TMEM196: variants seen among roughly 807,000 people sequenced by gnomAD.
TMEM196 encodes the protein transmembrane protein 196.
In TMEM196, 17 loss-of-function variants were observed where a neutral mutation model predicts 20.0. The ratio of observed to expected loss-of-function variants is 0.85; its 90% CI spans 0.58 to 1.27. The LOEUF is 1.27. Among genes scored for constraint, TMEM196 ranks in the 50% most tolerant of loss-of-function variants. The probability of loss-of-function intolerance (pLI) is 0.00; values close to 1 mark genes in which losing one functional copy is unlikely to be tolerated. For missense variants in TMEM196, 267 were observed against 223.0 expected (o/e 1.20, Z -1.26); for synonymous variants, 113 against 88.9 (o/e 1.27, Z -1.52).
In TMEM196 at chr7:19,746,981, C is replaced by A. The variant is rs376266699; in HGVS notation, c.148-17543G>T. 3.9e-5 allele frequency among the ~76,000 whole-genome samples: 6 copies of A among 152,170 alleles called. 1 individual carries two copies. The highest frequency in any genetic ancestry group is 3.9e-4 in the East Asian group (2 of 5,180). On this transcript the variant is annotated intron_variant, in intron 1 of 4. Coordinates refer to ENST00000405844, the MANE Select transcript of TMEM196 (RefSeq NM_001363562.2). ...TAAATCATAGAAAATCCCGGCCGGG[C>A]GTGGTGGCTCACGCCTGTAATCCCA...
intron 1 of TMEM196, among the ~76,000 whole-genome samples, chr7:19,755,577 T>C (rs1380183576): frequency 6.6e-6 from 1 of 152,170 alleles, no homozygotes; most frequent in Non-Finnish European, 1.5e-5. Context: ...GTACAAATAA[T>C]TTAAGGGTTC....
intron 1 of TMEM196, among the ~76,000 whole-genome samples, chr7:19,740,806 A>G (rs889627943): frequency 6.6e-6 from 1 of 152,136 alleles, no homozygotes; most frequent in Non-Finnish European, 1.5e-5. Flanking sequence ...CAGGTATTTC[A>G]GGAACAAACT....
intron 1 of TMEM196, among the ~76,000 whole-genome samples, chr7:19,754,623 G>T (rs934702535): frequency 4.6e-5 from 7 of 152,000 alleles, no homozygotes; most frequent in African/African-American, 1.7e-4. Context: ...TGGGCTAAAA[G>T]CTTGTCAACT....
intron 1 of TMEM196, among the ~76,000 whole-genome samples, chr7:19,730,262 GAAA>G (rs202189627): frequency 8.4e-6 from 1 of 119,752 alleles, no homozygotes; most frequent in Admixed American, 8.2e-5. Flanking sequence ...TCTCAAAAAA[GAAA>G]AAAAAAAAAA....
chr7:19,719,809 G>A lies in TMEM196; in HGVS notation c.*2319C>T, dbSNP rs140405333. ...ATATTTAAAAATATATCTATACTTG[G>A]TTAAACATACACTGTAAACTATTTG... On this transcript the variant is annotated 3_prime_UTR_variant, in exon 5 of 5. Transcript: ENST00000405844. 237 of 152,116 alleles carry A rather than the reference G, an allele frequency of 1.6e-3. 2 individuals are homozygous for A. Among genetic ancestry groups the A allele is most frequent in the African/African-American group, 5.3e-3 (220 of 41,522 alleles). 9.4% of individuals were successfully genotyped at this position (152,116 alleles called of 1,614,324 possible). A position where few individuals can be genotyped will look rare whatever the true frequency, so the allele number is the denominator to read the frequency against.
intron 1 of TMEM196, among the ~76,000 whole-genome samples, chr7:19,761,213 A>G (rs1228857459): frequency 6.6e-6 from 1 of 152,202 alleles, no homozygotes; most frequent in Non-Finnish European, 1.5e-5. Context: ...CATCTTCAAA[A>G]GAAGCCACTT....
intron 1 of TMEM196, among the ~76,000 whole-genome samples, chr7:19,757,969 T>TG (rs1785283937): frequency 6.6e-6 from 1 of 151,206 alleles, no homozygotes. Context: ...TATATACTTT[T>TG]TTTTTTTTTT....
intron 1 of TMEM196, among the ~76,000 whole-genome samples, chr7:19,740,666 C>A (rs1784551703): frequency 6.6e-6 from 1 of 152,010 alleles, no homozygotes; most frequent in African/African-American, 2.4e-5. Flanking sequence ...GGTGGCACCC[C>A]TTTTTGGGGT....
intron 1 of TMEM196, among the ~76,000 whole-genome samples, chr7:19,747,660 A>C (rs1308358230): frequency 6.6e-6 from 1 of 152,176 alleles, no homozygotes; most frequent in African/African-American, 2.4e-5. Flanking sequence ...CCTCATTTGG[A>C]ATTTTTCAAT....
chr7:19,761,501 A>AAGGTG (rs143227635), intron 1 of TMEM196, among the ~76,000 whole-genome samples: 14,348 of 152,132 alleles, frequency 0.094, 1,161 homozygotes, highest in African/African-American at 0.21. Context: ...ATAAAATCCC[A>AAGGTG]ATAAAATGTA....
chr7:19,760,113 C>A (rs565907825), intron 1 of TMEM196, among the ~76,000 whole-genome samples: 33 of 152,200 alleles, frequency 2.2e-4, no homozygotes, highest in African/African-American at 7.5e-4. Flanking sequence ...CTACCTCCTC[C>A]CCCTCAGGTC....
At chr7:19,732,332 TG>T (rs941148667) in intron 1 of TMEM196, among the ~76,000 whole-genome samples, 12 of 152,150 alleles carry the variant, frequency 7.9e-5, no homozygotes, top group Non-Finnish European at 1.8e-4. Context: ...CCCAGCATGT[TG>T]GGAGGCTGAG....
chr7:19,756,596 C>G lies in TMEM196; in HGVS notation c.147+15954G>C, dbSNP rs546364166. 5.3e-5 allele frequency among the ~76,000 whole-genome samples: 8 copies of G among 151,678 alleles called. No homozygotes were observed. The East Asian group carries it at 1.6e-3, about 29-fold the overall frequency. On this transcript the variant is annotated intron_variant, in intron 1 of 4. Transcript: ENST00000405844. ...CCATATGTTCTTATCATTTAGCTCT[C>G]TTATAAGTGAGCTAATGTCTTATTA...
intron 2 of TMEM196, among the ~76,000 whole-genome samples, chr7:19,728,288 A>C (rs1297068524): frequency 6.6e-6 from 1 of 151,942 alleles, no homozygotes. Context: ...CTACATAGTC[A>C]TAAAGAGTCT....
rs1163687208 is a variant in TMEM196 at position 19,721,300 on chromosome 7, T to C, written c.*828A>G. ...TTTCTAATACCTATTTACATTCATGTATGCTATAATATATGCTGTATACAT... is the reference window on the plus strand; with the variant it reads ...TTTCTAATACCTATTTACATTCATGCATGCTATAATATATGCTGTATACAT... On this transcript the variant is annotated 3_prime_UTR_variant, in exon 5 of 5. Coordinates refer to ENST00000405844, the MANE Select transcript of TMEM196 (RefSeq NM_001363562.2). 2 of 151,958 alleles carry C rather than the reference T, an allele frequency of 1.3e-5. No homozygotes were observed. The highest frequency in any genetic ancestry group is 1.3e-4 in the Admixed American group (2 of 15,252). 9.4% of individuals were successfully genotyped at this position (151,958 alleles called of 1,614,324 possible). A position where few individuals can be genotyped will look rare whatever the true frequency, so the allele number is the denominator to read the frequency against.
rs748342057 is a variant in TMEM196 at position 19,721,649 on chromosome 7, C to A, written c.*479G>T. 6.5e-6 allele frequency: 1 copy of A among 153,180 alleles called. No individual in the cohort carries two copies. The highest frequency in any genetic ancestry group is 1.5e-5 in the Non-Finnish European group (1 of 68,780). The allele number at this position is 153,180 out of a possible 1,614,324, so 9.5% of individuals were successfully genotyped here. ...TTACTGAGGTTTTGAATTGTAGCAT[C>A]CTTGAAGCCATCTGTCTTTCAGAAC... On this transcript the variant is annotated 3_prime_UTR_variant, in exon 5 of 5. Transcript: ENST00000405844.
intron 1 of TMEM196, among the ~76,000 whole-genome samples, chr7:19,741,328 C>G (rs1198784174): frequency 2.6e-5 from 4 of 152,078 alleles, no homozygotes; most frequent in African/African-American, 7.2e-5. Flanking sequence ...AATAATATTT[C>G]TAGATGACAT....
chr7:19,744,870 T>G (rs1220037950), intron 1 of TMEM196, among the ~76,000 whole-genome samples: 8 of 152,164 alleles, frequency 5.3e-5, no homozygotes, highest in Non-Finnish European at 1.0e-4. Flanking sequence ...ATTTTGTGTG[T>G]AGAGAAATAA....
intron 1 of TMEM196, among the ~76,000 whole-genome samples, chr7:19,754,682 A>T (rs1785131008): frequency 6.6e-6 from 1 of 151,938 alleles, no homozygotes; most frequent in Non-Finnish European, 1.5e-5. Flanking sequence ...GAAAAAAAAA[A>T]GTTCTGCAAT....
Sources: gnomAD v4.1 joint callset for allele counts (sites outside exome capture counted in the v4.1 genomes callset) on GRCh38, gnomAD v4.1.1 for gene constraint, MANE v1.5 for transcripts, NCBI Gene and HGNC (gene_info 2026-07-23, HGNC 2026-07-21) for gene names.